NASP: variants seen among roughly 807,000 people sequenced by gnomAD.
The protein encoded by NASP is nuclear autoantigenic sperm protein.
In NASP, 24 loss-of-function variants were observed where a neutral mutation model predicts 89.5. That is an observed-to-expected ratio of 0.27 (90% CI 0.19 to 0.38). The LOEUF is 0.38. Among genes scored for constraint, NASP ranks in the 10% least tolerant of loss-of-function variants. The pLI is 1.00. For synonymous variants in NASP, 306 were observed against 324.7 expected (o/e 0.94, Z 0.62); for missense variants, 848 against 921.4 (o/e 0.92, Z 1.03).
chr1:45,591,193 C>G (rs572033791), intron 1 of NASP, 30 bp from the exon 2 acceptor site: 1 of 1,409,202 alleles, frequency 7.1e-7, no homozygotes, highest in East Asian at 2.5e-5. Context: ...TCCAGTTTTA[C>G]ATTTTTTCCC....
Position 45,584,066 on chromosome 1 carries a change from G to C in NASP, c.-81G>C, listed in dbSNP as rs752398013. On this transcript the variant is annotated 5_prime_UTR_variant, in exon 1 of 15. Coordinates refer to ENST00000350030, the MANE Select transcript of NASP (RefSeq NM_002482.4). ...CTCTAATCTGCCATTTTCTGTCCCT[G>C]AGTGAGTCTCTGGCGTCCCAAATTG... 8 of 1,357,124 alleles carry C rather than the reference G, an allele frequency of 5.9e-6. No individual in the cohort carries two copies. Among genetic ancestry groups the C allele is most frequent in the South Asian group, 2.5e-5 (2 of 78,910 alleles). 84.1% of individuals were successfully genotyped at this position (1,357,124 alleles called of 1,614,324 possible).
intron 1 of NASP, chr1:45,588,664 G>A (rs1226907528): frequency 2.2e-6 from 1 of 449,456 alleles, no homozygotes; most frequent in South Asian, 1.6e-5. Flanking sequence ...GAGCGGCCGG[G>A]CGCGGTGGCT....
chr1:45,618,057 C>T lies in NASP; in HGVS notation c.2287-4C>T, dbSNP rs749215936. 6.9e-6 allele frequency: 11 copies of T among 1,597,260 alleles called. No individual in the cohort carries two copies. The highest frequency in any genetic ancestry group is 1.3e-5 in the African/African-American group (1 of 74,660). ...CTCATGCCCAGGTTCTGTTTGTCTTCCAGGCTGAGAATCAGGCTGAAAGCC... is the reference window on the plus strand; with the variant it reads ...CTCATGCCCAGGTTCTGTTTGTCTTTCAGGCTGAGAATCAGGCTGAAAGCC... On this transcript the variant is annotated splice_polypyrimidine_tract_variant and splice_region_variant and intron_variant, in intron 14 of 14. Transcript: ENST00000350030.
intron 14 of NASP, 127 bp downstream of exon 14, chr1:45,617,718 A>C: frequency 8.7e-7 from 1 of 1,149,710 alleles, no homozygotes; most frequent in Non-Finnish European, 1.2e-6. Flanking sequence ...CAGTCCTCAC[A>C]GAAAACGGTA....
Position 45,607,745 on chromosome 1 carries a change from A to G in NASP, c.834A>G (p.Ser278=), listed in dbSNP as rs1020538777. ...TAGAGGAGAAGCCAAAAGAAGTTTC[A>G]GAAGAGCAGCCTGTGGTGACTCTAG... The part of the protein sequence containing the change: ...VSIEEKPKEV[S]EEQPVVTLEK... Residue 278 remains serine, a synonymous_variant, in exon 6 of 15, where the codon TCA becomes TCG. Coordinates refer to ENST00000350030, the MANE Select transcript of NASP (RefSeq NM_002482.4). 3 of 1,614,044 alleles carry G rather than the reference A, an allele frequency of 1.9e-6. No homozygotes were observed. The highest frequency in any genetic ancestry group is 2.5e-6 in the Non-Finnish European group (3 of 1,180,020).
At position 45,614,806 on chromosome 1, in the gene NASP, G is replaced by C. The variant is rs985703258; in HGVS notation, c.1667-207G>C. 9.2e-5 allele frequency among the ~76,000 whole-genome samples: 14 copies of C among 152,206 alleles called. No homozygotes were observed. The Middle Eastern group carries it at 0.01, about 111-fold the overall frequency. ...CCCGCCTCAGCCTCCCAAAGTGCTGGGATTACAGGTGTGAGCCACCACGCC... is the reference window on the plus strand; with the variant it reads ...CCCGCCTCAGCCTCCCAAAGTGCTGCGATTACAGGTGTGAGCCACCACGCC... On this transcript the variant is annotated intron_variant, in intron 9 of 14. Transcript: ENST00000350030.
Position 45,584,171 on chromosome 1 carries a change from G to T in NASP, c.25G>T (p.Ala9Ser), listed in dbSNP as rs1644491330. 1 of 1,596,588 alleles carries T rather than the reference G, an allele frequency of 6.3e-7. No individual in the cohort carries two copies. Among genetic ancestry groups the T allele is most frequent in the African/African-American group, 1.3e-5 (1 of 74,754 alleles). The change falls in exon 1 of 15, where the codon GCC (alanine) becomes TCC (serine). Residue 9 changes from alanine to serine, a missense_variant. Transcript: ENST00000350030. Reference sequence around the variant, plus strand: ...GATGGCCATGGAGTCCACAGCCACTGCCGCCGTCGCCGCGGAGCTGGTTTC... The same window carrying T: ...GATGGCCATGGAGTCCACAGCCACTTCCGCCGTCGCCGCGGAGCTGGTTTC... MAMESTAT[A>S]AVAAELVSAD...
chr1:45,607,891 A>G lies in NASP; in HGVS notation c.980A>G (p.Lys327Arg). ...KVVTSENEAG[K>R]AVLEQLVGQE... ...GTTACCTCTGAAAACGAGGCAGGAA[A>G]GGCGGTTCTTGAACAACTGGTAGGT... Residue 327 changes from lysine to arginine, a missense_variant, in exon 6 of 15, where the codon AAG becomes AGG. By Grantham distance (26) the Lys-to-Arg change is conservative. Coordinates refer to ENST00000350030, the MANE Select transcript of NASP (RefSeq NM_002482.4). 1 of 1,614,174 alleles carries G rather than the reference A, an allele frequency of 6.2e-7. No homozygotes were observed. The highest frequency in any genetic ancestry group is 8.5e-7 in the Non-Finnish European group (1 of 1,180,026).
At chr1:45,586,857 C>T (rs897263209) in intron 1 of NASP, among the ~76,000 whole-genome samples, 1 of 151,950 alleles carries the variant, frequency 6.6e-6, no homozygotes, top group Non-Finnish European at 1.5e-5. Flanking sequence ...AAATAAACCT[C>T]AGTTCAGGTT....
chr1:45,608,497 T>A, intron 6 of NASP, 160 bp downstream of exon 6: 3 of 686,704 alleles, frequency 4.4e-6, no homozygotes, highest in Non-Finnish European at 7.3e-6. Context: ...GTCGTGATAG[T>A]CAAGTAAGTT....
At chr1:45,603,190 A>C (rs992788016) in intron 3 of NASP, among the ~76,000 whole-genome samples, 1 of 152,156 alleles carries the variant, frequency 6.6e-6, no homozygotes, top group African/African-American at 2.4e-5. Context: ...AAAGACTTTA[A>C]TGTACCTCCA....
In NASP at chr1:45,584,150, G is replaced by A. The variant is rs745631925; in HGVS notation, c.4G>A (p.Ala2Thr). Reference sequence around the variant, plus strand: ...GGTTCGCCACCTCAGGGGAACGATGGCCATGGAGTCCACAGCCACTGCCGC... The same window carrying A: ...GGTTCGCCACCTCAGGGGAACGATGACCATGGAGTCCACAGCCACTGCCGC... M[A>T]MESTATAAVA... The change falls in exon 1 of 15, where the codon GCC (alanine) becomes ACC (threonine). Residue 2 changes from alanine to threonine, a missense_variant. Physicochemically the swap from Ala to Thr is moderately conservative, Grantham distance 58. Around this residue, in one of 5 missense-constraint regions of NASP, gnomAD observed 89 missense variants for 79.2 expected, o/e 1.12. Transcript: ENST00000350030. 8.8e-6 allele frequency: 14 copies of A among 1,594,676 alleles called. No individual in the cohort carries two copies. The highest frequency in any genetic ancestry group is 4.6e-5 in the South Asian group (4 of 87,898).
intron 1 of NASP, 114 bp from the exon 2 acceptor site, chr1:45,591,109 A>G (rs1444587702): frequency 1.7e-6 from 1 of 599,612 alleles, no homozygotes; most frequent in Non-Finnish European, 2.9e-6. Context: ...ATACTTGAGT[A>G]TTTAATAAAT....
intron 2 of NASP, among the ~76,000 whole-genome samples, chr1:45,595,129 T>TGTGTGTGTGTGTGTG (rs1643658891): frequency 8.9e-6 from 1 of 111,784 alleles, no homozygotes; most frequent in Admixed American, 9.7e-5. Flanking sequence ...AGACTAAGTT[T>TGTGTGTGTGTGTGTG]TGTGTGTGTG....
intron 6 of NASP, chr1:45,612,909 G>A (rs1644039803): frequency 6.3e-6 from 2 of 315,646 alleles, no homozygotes; most frequent in Non-Finnish European, 1.1e-5. Flanking sequence ...AATGGTCCAG[G>A]TTGACTTTTA....
intron 6 of NASP, 34 bp from the exon 7 acceptor site, chr1:45,613,132 AGTT>A (rs1557665266): frequency 1.3e-6 from 2 of 1,585,126 alleles, no homozygotes; most frequent in South Asian, 2.3e-5. Context: ...ATACGTTCTT[AGTT>A]ATATTCTCAA....
At position 45,593,535 on chromosome 1, in the gene NASP, C is replaced by T. The variant is rs1047945652; in HGVS notation, c.107+2265C>T. ...GTGACAGAGTGAGACTGTCCCCCCCCAAAAAAAAAAAAAAAAAAAACTCCG... is the reference window on the plus strand; with the variant it reads ...GTGACAGAGTGAGACTGTCCCCCCCTAAAAAAAAAAAAAAAAAAAACTCCG... On this transcript the variant is annotated intron_variant, in intron 2 of 14. Transcript: ENST00000350030. Among the ~76,000 whole-genome samples the T allele has an allele frequency of 7.3e-5, 6 of 82,422 alleles. No homozygotes were observed. The East Asian group carries it at 1.1e-3, about 15-fold the overall frequency. 54.1% of individuals were successfully genotyped at this position (82,422 alleles called of 152,430 possible).
At chr1:45,603,093 T>C (rs1206554475) in intron 3 of NASP, among the ~76,000 whole-genome samples, 3 of 152,206 alleles carry the variant, frequency 2.0e-5, no homozygotes, top group African/African-American at 7.2e-5. Context: ...TGCTTAGAAG[T>C]TGGTAGCTAC....
chr1:45,618,225 C>T lies in NASP; in HGVS notation c.*84C>T. 9.0e-7 allele frequency: 1 copy of T among 1,116,270 alleles called. No individual in the cohort carries two copies. Among genetic ancestry groups the T allele is most frequent in the African/African-American group, 1.6e-5 (1 of 63,692 alleles). The allele number at this position is 1,116,270 out of a possible 1,614,324, so 69.1% of individuals were successfully genotyped here. On this transcript the variant is annotated 3_prime_UTR_variant, in exon 15 of 15. Coordinates refer to ENST00000350030, the MANE Select transcript of NASP (RefSeq NM_002482.4). ...CTTTTGGAGGATTCTTTTTGTATAA[C>T]TTCAATAAAGATTGTAAGCAAAGGT...
Sources: allele counts gnomAD v4.1 joint callset (sites outside exome capture counted in the v4.1 genomes callset), GRCh38; gene constraint gnomAD v4.1.1; regional missense constraint gnomAD v4.1.1; transcripts MANE v1.5; gene names NCBI Gene and HGNC (gene_info 2026-07-23, HGNC 2026-07-21).